GNAO1: variants seen among roughly 807,000 people sequenced by gnomAD.
GNAO1 encodes guanine nucleotide-binding protein G(o) subunit alpha.
For synonymous variants in GNAO1, 164 were observed against 180.7 expected (o/e 0.91, Z 0.74); for missense variants, 166 against 478.7 (o/e 0.35, Z 6.10).
chr16:56,346,373 G>T (rs2037870030), intron 6 of GNAO1: 1 of 985,312 alleles, frequency 1.0e-6, no homozygotes, highest in African/African-American at 1.7e-5. Context: ...AGGGGCCATG[G>T]TAACCTCTCC....
intron 2 of GNAO1, among the ~76,000 whole-genome samples, chr16:56,217,218 T>A (rs1287612662): frequency 6.6e-6 from 1 of 152,250 alleles, no homozygotes; most frequent in Non-Finnish European, 1.5e-5. Context: ...TGACATGTTC[T>A]TGCCTTCAGA....
intron 6 of GNAO1, among the ~76,000 whole-genome samples, chr16:56,338,154 C>T (rs1200896571): frequency 6.6e-6 from 1 of 152,134 alleles, no homozygotes; most frequent in Non-Finnish European, 1.5e-5. Flanking sequence ...GAGCCGCCGC[C>T]CTGAGGGGCT....
intron 2 of GNAO1, among the ~76,000 whole-genome samples, chr16:56,197,501 G>A (rs1187398054): frequency 2.6e-5 from 4 of 152,204 alleles, no homozygotes; most frequent in African/African-American, 9.7e-5. Flanking sequence ...GTGGCAAATA[G>A]TCCACCCGAT....
At chr16:56,222,183 G>A in intron 2 of GNAO1, among the ~76,000 whole-genome samples, 1 of 152,126 alleles carries the variant, frequency 6.6e-6, no homozygotes, top group East Asian at 1.9e-4. Flanking sequence ...TTATCTCGCA[G>A]GAGAGATCTT....
In GNAO1 at chr16:56,356,517, C is replaced by T. The variant is rs551865805; in HGVS notation, c.*443C>T. ...ACTGGTCCGAGGAGTGTGCTCAGGC[C>T]GGGCTTTCCAGAAGGCCACAGGCCA... is the stretch of plus-strand genomic sequence containing the variant. On this transcript the variant is annotated 3_prime_UTR_variant, in exon 9 of 9. Coordinates refer to ENST00000262493, the MANE Select transcript of GNAO1 (RefSeq NM_020988.3). The T allele has an allele frequency of 6.6e-6, 1 of 152,540 alleles. No individual in the cohort carries two copies. 9.4% of individuals were successfully genotyped at this position (152,540 alleles called of 1,614,324 possible).
intron 2 of GNAO1, among the ~76,000 whole-genome samples, chr16:56,195,391 A>C (rs1297608953): frequency 6.6e-6 from 1 of 152,218 alleles, no homozygotes; most frequent in Non-Finnish European, 1.5e-5. Flanking sequence ...TGTTAACCAC[A>C]AAATGTGGGA....
rs74933521 is a variant in GNAO1, at chr16:56,241,545, T to G, written c.162-34386T>G. ...TGCATTGTATTTGTTTCCATGGTTA[T>G]CTCCTATTTAAAGCAGGTGATACCA... On this transcript the variant is annotated intron_variant, in intron 2 of 8. Transcript: ENST00000262493. Among the ~76,000 whole-genome samples the G allele has an allele frequency of 1.9e-3, 282 of 152,336 alleles. 2 individuals are homozygous for G. Among genetic ancestry groups the G allele is most frequent in the Admixed American group, 0.012 (185 of 15,304 alleles).
At chr16:56,309,813 G>T (rs1161594773) in intron 3 of GNAO1, among the ~76,000 whole-genome samples, 3 of 152,200 alleles carry the variant, frequency 2.0e-5, no homozygotes, top group East Asian at 3.8e-4. Flanking sequence ...GGGTGCTGGG[G>T]CAGTCCTCCC....
intron 3 of GNAO1, among the ~76,000 whole-genome samples, chr16:56,299,848 GCA>G (rs1435795779): frequency 6.6e-5 from 10 of 152,182 alleles, no homozygotes; most frequent in African/African-American, 2.4e-4. Context: ...GGAGAAATCA[GCA>G]CAGTCTACCT....
At chr16:56,317,788 G>A (rs2037526945) in intron 3 of GNAO1, among the ~76,000 whole-genome samples, 1 of 152,122 alleles carries the variant, frequency 6.6e-6, no homozygotes, top group Admixed American at 6.5e-5. Flanking sequence ...AATGGAGAAG[G>A]AAAGCAAGAT....
intron 3 of GNAO1, among the ~76,000 whole-genome samples, chr16:56,277,481 T>A (rs2037070659): frequency 6.6e-6 from 1 of 152,156 alleles, no homozygotes. Flanking sequence ...ATTCAGATCG[T>A]TAGAACTAAC....
intron 2 of GNAO1, among the ~76,000 whole-genome samples, chr16:56,269,010 C>T (rs2036986023): frequency 6.6e-6 from 1 of 152,174 alleles, no homozygotes; most frequent in African/African-American, 2.4e-5. Context: ...CCGAGATCTC[C>T]CTGACGGCTG....
Position 56,354,221 on chromosome 16 carries a change from C to A in GNAO1, c.878-645C>A, listed in dbSNP as rs1279960823. On this transcript the variant is annotated intron_variant, in intron 7 of 8. Transcript: ENST00000262493. The surrounding 1 kb of genome is among the most constrained non-coding windows in gnomAD (Gnocchi z 4.3). ...TGCCTCAATTTGCTCATCTAGGAAGCAAAAGCGTTCATCTGTGGCCACTGC... is the reference window on the plus strand; with the variant it reads ...TGCCTCAATTTGCTCATCTAGGAAGAAAAAGCGTTCATCTGTGGCCACTGC... 3.9e-5 allele frequency among the ~76,000 whole-genome samples: 6 copies of A among 152,348 alleles called. No homozygotes were observed. Among genetic ancestry groups the A allele is most frequent in the African/African-American group, 1.2e-4 (5 of 41,588 alleles).
intron 6 of GNAO1, chr16:56,343,809 C>A (rs375972567): frequency 6.2e-7 from 1 of 1,613,578 alleles, no homozygotes; most frequent in Non-Finnish European, 8.5e-7. Context: ...AGGCCCAGTA[C>A]GAGAGCAAGA....
At chr16:56,331,477 A>G (rs945083411) in intron 4 of GNAO1, among the ~76,000 whole-genome samples, 7 of 152,160 alleles carry the variant, frequency 4.6e-5, no homozygotes, top group African/African-American at 1.7e-4. Context: ...GAGATGGCTC[A>G]TAGCCCAGTC....
At chr16:56,279,896 G>A (rs3790091) in intron 3 of GNAO1, among the ~76,000 whole-genome samples, 2,123 of 152,274 alleles carry the variant, frequency 0.014, 32 homozygotes, top group South Asian at 0.052. Context: ...TGATCAAGGC[G>A]TATGTCGTTT....
chr16:56,286,430 C>G (rs1476162363), intron 3 of GNAO1, among the ~76,000 whole-genome samples: 2 of 152,198 alleles, frequency 1.3e-5, no homozygotes, highest in Non-Finnish European at 2.9e-5. Flanking sequence ...TTCAGACACA[C>G]ATGTGGGGAG....
At chr16:56,325,764 G>C (rs1252895772) in intron 3 of GNAO1, among the ~76,000 whole-genome samples, 1 of 152,140 alleles carries the variant, frequency 6.6e-6, no homozygotes, top group East Asian at 1.9e-4. Flanking sequence ...AACGGGATAG[G>C]GCTCACAGGA....
intron 2 of GNAO1, among the ~76,000 whole-genome samples, chr16:56,203,180 T>C (rs1450128712): frequency 1.3e-5 from 2 of 152,012 alleles, no homozygotes; most frequent in Admixed American, 1.3e-4. Flanking sequence ...GACACTGTTG[T>C]TTTACTCCAC....
Sources: gnomAD v4.1 joint callset for allele counts (sites outside exome capture counted in the v4.1 genomes callset) on GRCh38, gnomAD v4.1.1 for gene constraint, Gnocchi (gnomAD v3.1) non-coding constraint, MANE v1.5 for transcripts, NCBI Gene and HGNC (gene_info 2026-07-23, HGNC 2026-07-21) for gene names.